The following SHLD1 variants were observed in gnomAD, a reference collection of about 807,000 sequenced individuals.
SHLD1 encodes the protein shieldin complex subunit 1.
SHLD1 carries 3 observed loss-of-function variants against 5.5 expected under a neutral mutation model. That is an observed-to-expected ratio of 0.54 (90% CI 0.25 to 1.40). The LOEUF is 1.40. SHLD1 is among the 40% of genes most tolerant of loss of function. The pLI is 0.15. For missense variants in SHLD1, 210 were observed against 244.4 expected, an observed-to-expected ratio of 0.86 and a Z score of 0.94; for synonymous variants, 92 against 94.3, an observed-to-expected ratio of 0.98 and a Z score of 0.14.
At chr20:5,755,120 CTTG>C (rs534630328) in intron 1 of SHLD1, among the ~76,000 whole-genome samples, 29 of 151,850 alleles carry the variant, frequency 1.9e-4, no homozygotes, top group Admixed American at 1.8e-3. Context: ...AGCCAAGGTT[CTTG>C]TTGTATAGAT....
chr20:5,807,845 C>G (rs2087401443), intron 2 of SHLD1, among the ~76,000 whole-genome samples: 1 of 152,142 alleles, frequency 6.6e-6, no homozygotes, highest in South Asian at 2.1e-4. Flanking sequence ...TGCTACTAGT[C>G]TTTGGAGGAA....
At chr20:5,846,094 C>T (rs999099884) in intron 2 of SHLD1, among the ~76,000 whole-genome samples, 3 of 152,200 alleles carry the variant, frequency 2.0e-5, no homozygotes, top group Non-Finnish European at 4.4e-5. Flanking sequence ...ACAGATGTTA[C>T]CTTCTCTGGG....
rs190767106 is a variant in SHLD1, at chr20:5,806,219, T to G, written c.178+33176T>G. Among the ~76,000 whole-genome samples, 305 of 152,320 alleles carry G rather than the reference T, an allele frequency of 2.0e-3. 2 individuals are homozygous for G. The highest frequency in any genetic ancestry group is 7.0e-3 in the African/African-American group (293 of 41,584). ...TATCTGTTTTATGGGGACAATAATA[T>G]CTACCTGATGGGTGGACACATAGTA... On this transcript the variant is annotated intron_variant, in intron 2 of 2. Transcript: ENST00000303142. This position sits in a 1 kb window ranked among gnomAD's most constrained non-coding sequence, Gnocchi z 7.6.
chr20:5,751,127 T>A (rs1191225384), intron 1 of SHLD1, among the ~76,000 whole-genome samples: 1 of 152,212 alleles, frequency 6.6e-6, no homozygotes, highest in Non-Finnish European at 1.5e-5. Context: ...CCAGTAGCAG[T>A]CATTCTACAT....
At chr20:5,785,434 G>A (rs2087045762) in intron 2 of SHLD1, among the ~76,000 whole-genome samples, 1 of 152,196 alleles carries the variant, frequency 6.6e-6, no homozygotes, top group African/African-American at 2.4e-5. Flanking sequence ...CCTGGGTCAG[G>A]TTGACTGCAA....
In SHLD1 at chr20:5,863,542, T is replaced by C; in HGVS notation, c.*79T>C. ...AGTGTTGGTGGCCACCCAGATCCCC[T>C]AGGGTCTCTGGCCAGCTCTGTGTGC... On this transcript the variant is annotated 3_prime_UTR_variant, in exon 3 of 3. Coordinates refer to ENST00000303142, the MANE Select transcript of SHLD1 (RefSeq NM_152504.4). 7.1e-7 allele frequency: 1 copy of C among 1,401,662 alleles called. No homozygotes were observed. Among genetic ancestry groups the C allele is most frequent in the Non-Finnish European group, 9.7e-7 (1 of 1,029,434 alleles). 86.8% of individuals were successfully genotyped at this position (1,401,662 alleles called of 1,614,324 possible). A position where few individuals can be genotyped will look rare whatever the true frequency, so the allele number is the denominator to read the frequency against.
intron 2 of SHLD1, among the ~76,000 whole-genome samples, chr20:5,832,804 TA>T (rs1299747953): frequency 2.6e-4 from 5 of 19,078 alleles, no homozygotes; most frequent in South Asian, 1.6e-3. Context: ...AAATAATAAA[TA>T]AATAAATAAA....
At chr20:5,775,923 A>ATTTTGTTTTTTTTTTTT (rs1985402545) in intron 2 of SHLD1, among the ~76,000 whole-genome samples, 1 of 77,674 alleles carries the variant, frequency 1.3e-5, no homozygotes, top group Non-Finnish European at 2.4e-5. Flanking sequence ...TCAGCTCAGG[A>ATTTTGTTTTTTTTTTTT]TTTTTTTTTT....
chr20:5,782,382 C>T (rs749025338), intron 2 of SHLD1, among the ~76,000 whole-genome samples: 1 of 152,162 alleles, frequency 6.6e-6, no homozygotes, highest in Non-Finnish European at 1.5e-5. Context: ...ATCTCACCTG[C>T]ACCCTCTGGA....
At chr20:5,851,214 G>A (rs915743046) in intron 2 of SHLD1, among the ~76,000 whole-genome samples, 1 of 152,176 alleles carries the variant, frequency 6.6e-6, no homozygotes, top group African/African-American at 2.4e-5. Flanking sequence ...ATCCAGGAAT[G>A]GTGGCTCATA....
intron 2 of SHLD1, among the ~76,000 whole-genome samples, chr20:5,835,739 C>A (rs1454076793): frequency 1.3e-5 from 2 of 152,194 alleles, no homozygotes; most frequent in East Asian, 3.8e-4. Flanking sequence ...AATCCTCCAA[C>A]AAGTTATTTG....
intron 2 of SHLD1, among the ~76,000 whole-genome samples, chr20:5,783,632 T>C (rs2087016716): frequency 6.6e-6 from 1 of 152,186 alleles, no homozygotes; most frequent in South Asian, 2.1e-4. Context: ...TGAATTTTAA[T>C]TGTATGGCCT....
chr20:5,790,106 T>G (rs942462572), intron 2 of SHLD1, among the ~76,000 whole-genome samples: 1 of 152,168 alleles, frequency 6.6e-6, no homozygotes, highest in Admixed American at 6.5e-5. Flanking sequence ...GGAAGCCTCT[T>G]TGTTCCCCTG....
At chr20:5,794,132 G>A (rs944408758) in intron 2 of SHLD1, among the ~76,000 whole-genome samples, 3 of 152,112 alleles carry the variant, frequency 2.0e-5, no homozygotes, top group Non-Finnish European at 4.4e-5. Context: ...TCTATAGCTA[G>A]CTAAACATGC....
At chr20:5,812,122 T>C in intron 2 of SHLD1, among the ~76,000 whole-genome samples, 1 of 151,540 alleles carries the variant, frequency 6.6e-6, no homozygotes, top group East Asian at 1.9e-4. Flanking sequence ...CCTTTTATTT[T>C]GCCAAGCAAA....
rs184647464 is a variant in SHLD1 at position 5,759,104 on chromosome 20, G to A, written c.-5+8625G>A. Among the ~76,000 whole-genome samples the A allele has an allele frequency of 2.2e-3, 326 of 150,698 alleles. 1 individual carries two copies. Among genetic ancestry groups the A allele is most frequent in the Admixed American group, 4.6e-3 (69 of 15,080 alleles). On this transcript the variant is annotated intron_variant, in intron 1 of 2. Transcript: ENST00000303142. ...CAAGTAGCTAGGATTACAGGCACCC[G>A]CCACCACGCCCAGCTAATTTTTTGT...
chr20:5,751,389 C>T (rs1983741392), intron 1 of SHLD1, among the ~76,000 whole-genome samples: 1 of 152,146 alleles, frequency 6.6e-6, no homozygotes, highest in African/African-American at 2.4e-5. Context: ...TCACTGCAAC[C>T]TCTGCTGCCC....
intron 2 of SHLD1, among the ~76,000 whole-genome samples, chr20:5,795,116 G>A (rs2087192524): frequency 6.6e-6 from 1 of 151,894 alleles, no homozygotes; most frequent in African/African-American, 2.4e-5. Context: ...GCACACACCT[G>A]TAATCCCAGC....
At chr20:5,799,090 C>G (rs1443026422) in intron 2 of SHLD1, among the ~76,000 whole-genome samples, 1 of 152,052 alleles carries the variant, frequency 6.6e-6, no homozygotes, top group African/African-American at 2.4e-5. Flanking sequence ...GTAGTCCTAG[C>G]TACTCAGGAG....
Sources: gnomAD v4.1 joint callset for allele counts (sites outside exome capture counted in the v4.1 genomes callset) on GRCh38, gnomAD v4.1.1 for gene constraint, Gnocchi (gnomAD v3.1) non-coding constraint, MANE v1.5 for transcripts, NCBI Gene and HGNC (gene_info 2026-07-23, HGNC 2026-07-21) for gene names.